RBM26: variants seen among roughly 807,000 people sequenced by gnomAD.
RBM26 encodes RNA-binding protein 26.
In RBM26, 30 loss-of-function variants were observed where a neutral mutation model predicts 123.6. That is an observed-to-expected ratio of 0.24 (90% CI 0.18 to 0.33). RBM26 has a LOEUF of 0.33. RBM26 is among the 10% of genes least tolerant of loss of function. RBM26 has a pLI of 1.00. For synonymous variants in RBM26, 400 were observed against 404.4 expected, an observed-to-expected ratio of 0.99 and a Z score of 0.13; for missense variants, 947 against 1,203.6, an observed-to-expected ratio of 0.79 and a Z score of 3.15.
At chr13:79,316,192 GGTGTGTGTGT>G (rs3064578), downstream of RBM26, among the ~76,000 whole-genome samples, 3,589 of 142,084 alleles carry the variant, frequency 0.025, 104 homozygotes, top group African/African-American at 0.07. Context: ...AAGTGGGGCA[GGTGTGTGTGT>G]GTGTGTGTGT....
chr13:79,398,959 T>C (rs1020603727), intron 1 of RBM26, among the ~76,000 whole-genome samples: 6 of 152,236 alleles, frequency 3.9e-5, no homozygotes, highest in Non-Finnish European at 7.3e-5. Flanking sequence ...CTAGATAATG[T>C]ATATAATGAA....
At chr13:79,318,158 A>G (rs1175659650), downstream of RBM26, among the ~76,000 whole-genome samples, 1 of 151,504 alleles carries the variant, frequency 6.6e-6, no homozygotes, top group Non-Finnish European at 1.5e-5. Flanking sequence ...AATTTTGTGC[A>G]GTATCTTTGA....
At position 79,349,527 on chromosome 13, in the gene RBM26, C is replaced by T. The variant is rs78616179; in HGVS notation, c.2058+3626G>A. Among the ~76,000 whole-genome samples the T allele has an allele frequency of 6.0e-3, 911 of 151,976 alleles. 26 individuals carry two copies. The highest frequency in any genetic ancestry group is 0.044 in the East Asian group (227 of 5,174). ...TACAGCTAGTAATGAATTTTTGCTA[C>T]ACAAATAGCTTAGTTACTACAAAGT... is the stretch of plus-strand genomic sequence containing the variant. On this transcript the variant is annotated intron_variant, in intron 14 of 21. Transcript: ENST00000438737.
chr13:79,363,317 A>T (rs972924518), intron 9 of RBM26, among the ~76,000 whole-genome samples: 12 of 152,186 alleles, frequency 7.9e-5, no homozygotes, highest in Admixed American at 4.6e-4. Flanking sequence ...ACAATAAATA[A>T]GCTTTTTATG....
At chr13:79,388,298 G>T (rs2140348172) in intron 1 of RBM26, among the ~76,000 whole-genome samples, 1 of 152,306 alleles carries the variant, frequency 6.6e-6, no homozygotes, top group Non-Finnish European at 1.5e-5. Context: ...GTTTCACCAT[G>T]GTGGCCAGGC....
At position 79,322,310 on chromosome 13, in the gene RBM26, C is replaced by T. The variant is rs7983606; in HGVS notation, c.2934+39G>A. 2,551 of 1,296,968 alleles carry T rather than the reference C, an allele frequency of 2.0e-3. 43 individuals carry two copies. The African/African-American group carries it at 0.035, about 18-fold the overall frequency. The allele number at this position is 1,296,968 out of a possible 1,614,324, so 80.3% of individuals were successfully genotyped here. A position where few individuals can be genotyped will look rare whatever the true frequency, so the allele number is the denominator to read the frequency against. On this transcript the variant is annotated intron_variant, in intron 21 of 21. Coordinates refer to ENST00000438737, the MANE Select transcript of RBM26 (RefSeq NM_001366735.2). ...TCACATTTTATATAAAAGCTATGAACGATTAAGGGTAAAAATAAGTGGAAA... is the reference window on the plus strand; with the variant it reads ...TCACATTTTATATAAAAGCTATGAATGATTAAGGGTAAAAATAAGTGGAAA...
At chr13:79,348,858 A>C (rs2072747991) in intron 14 of RBM26, among the ~76,000 whole-genome samples, 2 of 152,198 alleles carry the variant, frequency 1.3e-5, no homozygotes, top group Admixed American at 6.5e-5. Context: ...AATCGTTTTT[A>C]AATTTCAAGA....
chr13:79,350,545 G>T (rs561499824), intron 14 of RBM26, among the ~76,000 whole-genome samples: 1 of 151,994 alleles, frequency 6.6e-6, no homozygotes, highest in Non-Finnish European at 1.5e-5. Context: ...CAGCAATTAC[G>T]TTTTAACTTT....
chr13:79,318,932 A>G lies in RBM26; in HGVS notation c.*1689T>C. On this transcript the variant is annotated 3_prime_UTR_variant, in exon 22 of 22. Coordinates refer to ENST00000438737, the MANE Select transcript of RBM26 (RefSeq NM_001366735.2). ...TAATGAATCAGAATAGCACATAGTCAACATACAAGAGACTACATAAAAATA... is the reference window on the plus strand; with the variant it reads ...TAATGAATCAGAATAGCACATAGTCGACATACAAGAGACTACATAAAAATA... 2 of 977,570 alleles carry G rather than the reference A, an allele frequency of 2.0e-6. No individual in the cohort carries two copies. The highest frequency in any genetic ancestry group is 2.4e-6 in the Non-Finnish European group (2 of 822,912). 60.6% of individuals were successfully genotyped at this position (977,570 alleles called of 1,614,324 possible).
intron 6 of RBM26, among the ~76,000 whole-genome samples, chr13:79,368,181 C>A (rs12854182): frequency 3.9e-5 from 6 of 152,048 alleles, no homozygotes; most frequent in Non-Finnish European, 8.8e-5. Flanking sequence ...CCAGCCACCA[C>A]GCCCAGCTAA....
intron 1 of RBM26, among the ~76,000 whole-genome samples, chr13:79,399,367 CAT>C (rs1200443964): frequency 6.6e-6 from 1 of 151,976 alleles, no homozygotes; most frequent in Non-Finnish European, 1.5e-5. Context: ...TAACAATTAA[CAT>C]ATATTAATAG....
chr13:79,384,258 TTTC>T (rs2077300102), intron 1 of RBM26, among the ~76,000 whole-genome samples: 3 of 151,862 alleles, frequency 2.0e-5, no homozygotes, highest in Admixed American at 1.3e-4. Context: ...TTTTTTTTTT[TTTC>T]TTTTCATTTC....
chr13:79,388,824 G>T (rs957372816), intron 1 of RBM26, among the ~76,000 whole-genome samples: 2 of 152,102 alleles, frequency 1.3e-5, no homozygotes, highest in Non-Finnish European at 2.9e-5. Context: ...GATCATTAAA[G>T]AAAGTAATAG....
Position 79,319,986 on chromosome 13 carries a change from TTTTC to T in RBM26, c.*631_*634del. On this transcript the variant is annotated 3_prime_UTR_variant, in exon 22 of 22. Coordinates refer to ENST00000438737, the MANE Select transcript of RBM26 (RefSeq NM_001366735.2). ...TTTTTTTTTTGTCATTGCTTTTCTC[TTTTC>T]TTTCCTTTTTTTTTTTTAAAGAGAC... is the stretch of plus-strand genomic sequence containing the variant. 1.4e-6 allele frequency: 1 copy of T among 730,720 alleles called. No homozygotes were observed. The allele number at this position is 730,720 out of a possible 1,614,324, so 45.3% of individuals were successfully genotyped here. A position where few individuals can be genotyped will look rare whatever the true frequency, so the allele number is the denominator to read the frequency against.
At chr13:79,403,095 A>G (rs1269106300) in intron 1 of RBM26, among the ~76,000 whole-genome samples, 1 of 152,094 alleles carries the variant, frequency 6.6e-6, no homozygotes, top group East Asian at 1.9e-4. Flanking sequence ...TAAAGCAAAA[A>G]AAAAAAAAAA....
chr13:79,330,865 A>G (rs2138717655), intron 20 of RBM26, among the ~76,000 whole-genome samples: 1 of 152,232 alleles, frequency 6.6e-6, no homozygotes, highest in South Asian at 2.1e-4. Context: ...CAAGTTACTA[A>G]TTCTGGTAGC....
chr13:79,358,904 C>T (rs1342195364), intron 10 of RBM26, among the ~76,000 whole-genome samples: 3 of 152,096 alleles, frequency 2.0e-5, no homozygotes, highest in Admixed American at 6.5e-5. Flanking sequence ...ATTGTTGGAA[C>T]TATAAAGAAT....
chr13:79,331,726 T>C (rs1240001589), intron 20 of RBM26, among the ~76,000 whole-genome samples: 1 of 152,158 alleles, frequency 6.6e-6, no homozygotes, highest in Non-Finnish European at 1.5e-5. Flanking sequence ...TAATTATTCC[T>C]ATTCTGAACA....
Position 79,319,558 on chromosome 13 carries a change from T to G in RBM26, c.*1063A>C, listed in dbSNP as rs1459881798. 1.2e-5 allele frequency: 12 copies of G among 982,198 alleles called. No homozygotes were observed. The highest frequency in any genetic ancestry group is 1.5e-5 in the Non-Finnish European group (12 of 827,182). 60.8% of individuals were successfully genotyped at this position (982,198 alleles called of 1,614,324 possible). On this transcript the variant is annotated 3_prime_UTR_variant, in exon 22 of 22. Coordinates refer to ENST00000438737, the MANE Select transcript of RBM26 (RefSeq NM_001366735.2). ...ACCAAACAGTGTTTTCCTAAAGTAG[T>G]ATCTATAGTACATTTCTTTATTCAT...
Sources: gnomAD v4.1 joint callset for allele counts (sites outside exome capture counted in the v4.1 genomes callset) on GRCh38, gnomAD v4.1.1 for gene constraint, MANE v1.5 for transcripts, NCBI Gene and HGNC (gene_info 2026-07-23, HGNC 2026-07-21) for gene names.